Variants in NACC2 observed in about 807,000 individuals in gnomAD.
NACC2 encodes NACC family member 2, also known as nucleus accumbens-associated protein 2.
A neutral mutation model predicts 25.1 loss-of-function variants in NACC2; 8 were observed. The observed-to-expected ratio is 0.32, with a 90% CI of 0.19 to 0.57. The LOEUF is 0.57. Among genes scored for constraint, NACC2 ranks in the 20% least tolerant of loss-of-function variants. The probability of loss-of-function intolerance (pLI) is 0.89; values close to 1 mark genes in which losing one functional copy is unlikely to be tolerated. For synonymous variants in NACC2, 435 were observed against 294.7 expected, an observed-to-expected ratio of 1.48 and a Z score of -4.88; for missense variants, 644 against 650.2, an observed-to-expected ratio of 0.99 and a Z score of 0.10.
In NACC2 at chr9:136,037,965, G is replaced by A. The variant is rs140270572; in HGVS notation, c.886+11671C>T. 5.4e-3 allele frequency among the ~76,000 whole-genome samples: 818 copies of A among 152,218 alleles called. 10 individuals carry two copies. Among genetic ancestry groups the A allele is most frequent in the African/African-American group, 0.018 (762 of 41,512 alleles). ...CTAATGTCCTTTAACCAGTGAATGC[G>A]TACACAAATTGTGGTGTGGCCATAC... On this transcript the variant is annotated intron_variant, in intron 2 of 5. Coordinates refer to ENST00000277554, the MANE Select transcript of NACC2 (RefSeq NM_144653.5).
At chr9:136,059,949 C>T (rs1840985144) in intron 1 of NACC2, among the ~76,000 whole-genome samples, 1 of 152,248 alleles carries the variant, frequency 6.6e-6, no homozygotes, top group African/African-American at 2.4e-5. Flanking sequence ...ACCCTGTCCC[C>T]TCCTCAGGGC....
At chr9:136,029,116 C>T (rs1258082488) in intron 2 of NACC2, among the ~76,000 whole-genome samples, 1 of 152,212 alleles carries the variant, frequency 6.6e-6, no homozygotes, top group East Asian at 1.9e-4. Context: ...AGGGCCCAGG[C>T]TGTCAGTTCC....
Position 136,050,041 on chromosome 9 carries a change from C to T in NACC2, c.481G>A (p.Val161Met), listed in dbSNP as rs1382630533. Residue 161 changes from valine to methionine, a missense_variant, in exon 2 of 6, where the codon GTG becomes ATG. Physicochemically the swap from Val to Met is conservative, Grantham distance 21. Coordinates refer to ENST00000277554, the MANE Select transcript of NACC2 (RefSeq NM_144653.5). ...AGCGGGATGGGCACCGAGGGGGACACGACGTAGGGGGCCGCGGCGGCGGCG... is the reference window on the plus strand; with the variant it reads ...AGCGGGATGGGCACCGAGGGGGACATGACGTAGGGGGCCGCGGCGGCGGCG... ...PAAAAAAPYV[V>M]SPSVPIPLLT... The T allele has an allele frequency of 7.0e-6, 5 of 715,378 alleles. No individual in the cohort carries two copies. Among genetic ancestry groups the T allele is most frequent in the Non-Finnish European group, 1.3e-5 (5 of 392,874 alleles). 44.3% of individuals were successfully genotyped at this position (715,378 alleles called of 1,614,324 possible).
chr9:136,081,895 C>A (rs1229484228), intron 1 of NACC2, among the ~76,000 whole-genome samples: 6 of 152,000 alleles, frequency 3.9e-5, no homozygotes, highest in Admixed American at 6.5e-5. Flanking sequence ...GTCTTTGCAC[C>A]GCTTCTCGCA....
chr9:136,070,432 G>A (rs555738614), intron 1 of NACC2, among the ~76,000 whole-genome samples: 5 of 151,844 alleles, frequency 3.3e-5, no homozygotes, highest in East Asian at 1.9e-4. Context: ...ACTTGAACCC[G>A]GGAAGCGGAG....
At chr9:136,071,731 G>A (rs578093145) in intron 1 of NACC2, among the ~76,000 whole-genome samples, 9 of 152,102 alleles carry the variant, frequency 5.9e-5, no homozygotes, top group South Asian at 2.1e-4. Flanking sequence ...AAGACTGTGT[G>A]GTATGGACAG....
intron 1 of NACC2, among the ~76,000 whole-genome samples, chr9:136,056,451 G>A (rs1412653889): frequency 1.3e-5 from 2 of 152,210 alleles, no homozygotes; most frequent in African/African-American, 4.8e-5. Context: ...GGAGGCAGCG[G>A]GGCCAGGCCC....
intron 1 of NACC2, among the ~76,000 whole-genome samples, chr9:136,087,494 C>T (rs927055823): frequency 6.6e-6 from 1 of 152,226 alleles, no homozygotes; most frequent in African/African-American, 2.4e-5. Flanking sequence ...GCCAGCCCCA[C>T]TGGAAGGGAG....
At chr9:136,059,452 C>T (rs980979579) in intron 1 of NACC2, among the ~76,000 whole-genome samples, 3 of 152,232 alleles carry the variant, frequency 2.0e-5, no homozygotes, top group African/African-American at 2.4e-5. Context: ...AAGTGGACAG[C>T]GGCAGCCCAA....
intron 1 of NACC2, among the ~76,000 whole-genome samples, chr9:136,050,910 C>T (rs1840822563): frequency 1.3e-5 from 2 of 152,060 alleles, no homozygotes; most frequent in African/African-American, 2.4e-5. Context: ...GAACCTGCCC[C>T]GGGACAGGAG....
chr9:136,017,760 G>A (rs915359060), intron 2 of NACC2, among the ~76,000 whole-genome samples: 5 of 152,200 alleles, frequency 3.3e-5, no homozygotes, highest in African/African-American at 4.8e-5. Flanking sequence ...CAGCACAAAA[G>A]GCAAGGCCCT....
rs907076381 is a variant in NACC2 at position 136,022,020 on chromosome 9, T to C, written c.887-5591A>G. Reference sequence around the variant, plus strand: ...ATGAGGAAAGGTCGGGCTACACACCTGTCCCCACGGGGGCAGCCTGCACGA... The same window carrying C: ...ATGAGGAAAGGTCGGGCTACACACCCGTCCCCACGGGGGCAGCCTGCACGA... On this transcript the variant is annotated intron_variant, in intron 2 of 5. Coordinates refer to ENST00000277554, the MANE Select transcript of NACC2 (RefSeq NM_144653.5). This position sits in a 1 kb window ranked among gnomAD's most constrained non-coding sequence, Gnocchi z 4.4. Among the ~76,000 whole-genome samples, 2 of 152,176 alleles carry C rather than the reference T, an allele frequency of 1.3e-5. No homozygotes were observed. Among genetic ancestry groups the C allele is most frequent in the African/African-American group, 4.8e-5 (2 of 41,456 alleles).
intron 2 of NACC2, among the ~76,000 whole-genome samples, chr9:136,017,119 G>A (rs530919152): frequency 3.3e-5 from 5 of 152,252 alleles, no homozygotes; most frequent in Admixed American, 3.3e-4. Flanking sequence ...TGGCCGACAC[G>A]CCACCGCCAC....
chr9:136,061,461 T>C (rs1159690783), intron 1 of NACC2, among the ~76,000 whole-genome samples: 2 of 151,978 alleles, frequency 1.3e-5, no homozygotes, highest in South Asian at 2.1e-4. Flanking sequence ...ACCCTGACCA[T>C]TGAGGGGCCC....
intron 1 of NACC2, among the ~76,000 whole-genome samples, chr9:136,076,867 G>A (rs7868493): frequency 0.045 from 6,798 of 152,090 alleles, 484 homozygotes; most frequent in African/African-American, 0.16. Flanking sequence ...AAAATTAGCC[G>A]GGCGTGGTGG....
chr9:136,053,451 G>A (rs1254973554), intron 1 of NACC2, among the ~76,000 whole-genome samples: 1 of 152,140 alleles, frequency 6.6e-6, no homozygotes, highest in Non-Finnish European at 1.5e-5. Flanking sequence ...CCATGCTGAT[G>A]AGCTGGGCTC....
chr9:136,013,715 C>T lies in NACC2; in HGVS notation c.1157+149G>A, dbSNP rs1213497767. The T allele has an allele frequency of 1.8e-5, 12 of 660,468 alleles. No homozygotes were observed. Among genetic ancestry groups the T allele is most frequent in the Admixed American group, 3.0e-5 (1 of 33,380 alleles). 40.9% of individuals were successfully genotyped at this position (660,468 alleles called of 1,614,324 possible). ...CCTCCCTCCCTGGGAGCCTCTCCAC[C>T]GTCCTGGGGCCGACCGGCCACGGCT... On this transcript the variant is annotated intron_variant, in intron 4 of 5. Transcript: ENST00000277554. The surrounding 1 kb of genome is among the most constrained non-coding windows in gnomAD (Gnocchi z 6.6).
chr9:136,090,204 G>A lies in NACC2; in HGVS notation c.-60+4985C>T, dbSNP rs570925140. Among the ~76,000 whole-genome samples, 11 of 152,356 alleles carry A rather than the reference G, an allele frequency of 7.2e-5. No homozygotes were observed. In the South Asian group the frequency reaches 1.2e-3, roughly 17 times the overall value. On this transcript the variant is annotated intron_variant, in intron 1 of 5. Coordinates refer to ENST00000277554, the MANE Select transcript of NACC2 (RefSeq NM_144653.5). ...TAGAAGGGAGATGGGCACAGCCCCC[G>A]AGGCAGATGCCCAGGGCCTGGGTGG...
intron 1 of NACC2, among the ~76,000 whole-genome samples, chr9:136,074,663 T>A (rs531396446): frequency 6.6e-6 from 1 of 151,738 alleles, no homozygotes; most frequent in South Asian, 2.1e-4. Context: ...TGGTTCAACA[T>A]TGACTCAATA....
Sources: allele counts gnomAD v4.1 joint callset (sites outside exome capture counted in the v4.1 genomes callset), GRCh38; gene constraint gnomAD v4.1.1; non-coding constraint Gnocchi (gnomAD v3.1); transcripts MANE v1.5; gene names NCBI Gene and HGNC (gene_info 2026-07-23, HGNC 2026-07-21).